Variants in NKAIN2 observed in about 807,000 individuals in gnomAD.
The protein encoded by NKAIN2 is sodium/potassium transporting ATPase interacting 2, also known as sodium/potassium-transporting ATPase subunit beta-1-interacting protein 2.
A neutral mutation model predicts 32.6 loss-of-function variants in NKAIN2; 14 were observed. The observed-to-expected ratio is 0.43, with a 90% confidence interval of 0.28 to 0.67. The LOEUF is 0.67. Among genes scored for constraint, NKAIN2 ranks in the 30% least tolerant of loss-of-function variants. The pLI, the probability that NKAIN2 is intolerant of heterozygous loss-of-function variation, is 0.17. For missense variants in NKAIN2, 198 were observed against 258.3 expected, an observed-to-expected ratio of 0.77 and a Z score of 1.60; for synonymous variants, 80 against 87.2, an observed-to-expected ratio of 0.92 and a Z score of 0.46.
At chr6:124,148,028 AG>A in intron 1 of NKAIN2, among the ~76,000 whole-genome samples, 1 of 152,246 alleles carries the variant, frequency 6.6e-6, no homozygotes, top group African/African-American at 2.4e-5. Flanking sequence ...TATTTGATAT[AG>A]GTATTCTATA....
At chr6:124,380,730 T>G (rs1224653634) in intron 3 of NKAIN2, among the ~76,000 whole-genome samples, 1 of 152,202 alleles carries the variant, frequency 6.6e-6, no homozygotes, top group Non-Finnish European at 1.5e-5. Context: ...TTTTTGATAT[T>G]GTATAATTAA....
At chr6:124,513,183 A>C (rs949600123) in intron 3 of NKAIN2, among the ~76,000 whole-genome samples, 1 of 152,176 alleles carries the variant, frequency 6.6e-6, no homozygotes, top group Non-Finnish European at 1.5e-5. Context: ...TAATGTGAAA[A>C]GTTTCTAATA....
intron 5 of NKAIN2, among the ~76,000 whole-genome samples, chr6:124,798,746 T>C (rs1780121486): frequency 6.6e-6 from 1 of 152,202 alleles, no homozygotes; most frequent in Non-Finnish European, 1.5e-5. Flanking sequence ...AGCACTTTAA[T>C]TTTATAGGCC....
chr6:124,341,304 TAGTG>T (rs1433225720), intron 2 of NKAIN2, among the ~76,000 whole-genome samples: 1 of 152,100 alleles, frequency 6.6e-6, no homozygotes, highest in Non-Finnish European at 1.5e-5. Flanking sequence ...ATAGAATACT[TAGTG>T]AGACTTTTTA....
At position 124,619,596 on chromosome 6, in the gene NKAIN2, A is replaced by T. The variant is rs187517668; in HGVS notation, c.274-38590A>T. On this transcript the variant is annotated intron_variant, in intron 3 of 6. Transcript: ENST00000368417. ...CATGTTTGTAAAGTCCTGCCCTTTT[A>T]CAGAGCCCAGTTCTCTGAAAAGCCA... 3.2e-3 allele frequency among the ~76,000 whole-genome samples: 485 copies of T among 152,290 alleles called. 1 individual carries two copies. The highest frequency in any genetic ancestry group is 5.4e-3 in the Non-Finnish European group (366 of 68,002).
intron 3 of NKAIN2, among the ~76,000 whole-genome samples, chr6:124,559,457 C>G (rs1465534578): frequency 6.6e-6 from 1 of 152,084 alleles, no homozygotes; most frequent in Non-Finnish European, 1.5e-5. Context: ...GATTCCTTAC[C>G]GTCTCAACTA....
At chr6:124,531,130 A>G (rs1488753966) in intron 3 of NKAIN2, among the ~76,000 whole-genome samples, 1 of 152,228 alleles carries the variant, frequency 6.6e-6, no homozygotes, top group Non-Finnish European at 1.5e-5. Context: ...CCTGTGACTC[A>G]GAAGAGGAAC....
intron 1 of NKAIN2, among the ~76,000 whole-genome samples, chr6:124,188,185 A>G (rs1474861962): frequency 6.6e-6 from 1 of 152,202 alleles, no homozygotes; most frequent in Non-Finnish European, 1.5e-5. Context: ...TTGGTCCAAT[A>G]GCATCATATC....
At chr6:124,283,269 G>T (rs1795388700) in intron 2 of NKAIN2, 127 bp downstream of exon 2, 1 of 622,918 alleles carries the variant, frequency 1.6e-6, no homozygotes, top group East Asian at 2.8e-5. Flanking sequence ...TAAGTACCAT[G>T]TGTTTATTTT....
chr6:124,604,886 G>T (rs1161493842), intron 3 of NKAIN2, among the ~76,000 whole-genome samples: 1 of 151,996 alleles, frequency 6.6e-6, no homozygotes. Flanking sequence ...TTGAGGGCAA[G>T]ATCTCTGCTG....
At chr6:123,948,707 C>A (rs1256800811) in intron 1 of NKAIN2, among the ~76,000 whole-genome samples, 1 of 140,720 alleles carries the variant, frequency 7.1e-6, no homozygotes, top group Non-Finnish European at 1.5e-5. Flanking sequence ...TCCCATTGAG[C>A]AGATTTTCTC....
At chr6:124,091,858 CTT>C (rs2114929260) in intron 1 of NKAIN2, among the ~76,000 whole-genome samples, 1 of 152,092 alleles carries the variant, frequency 6.6e-6, no homozygotes, top group South Asian at 2.1e-4. Flanking sequence ...TCCTCTGACT[CTT>C]TCCCGCATCA....
chr6:124,651,875 T>G (rs1218823763), intron 3 of NKAIN2, among the ~76,000 whole-genome samples: 1 of 152,160 alleles, frequency 6.6e-6, no homozygotes, highest in East Asian at 1.9e-4. Context: ...GCCATACTGA[T>G]CTCCTTATCA....
chr6:123,886,846 G>A (rs1463002853), intron 1 of NKAIN2, among the ~76,000 whole-genome samples: 1 of 151,984 alleles, frequency 6.6e-6, no homozygotes, highest in African/African-American at 2.4e-5. Context: ...GTTTAGACGC[G>A]TTTTTGGAGA....
chr6:124,560,479 A>G (rs1369131772), intron 3 of NKAIN2, among the ~76,000 whole-genome samples: 2 of 152,234 alleles, frequency 1.3e-5, no homozygotes, highest in Non-Finnish European at 2.9e-5. Context: ...TACAAGCATC[A>G]TAATTAAAAG....
chr6:124,207,235 T>A (rs897653413), intron 1 of NKAIN2, among the ~76,000 whole-genome samples: 2 of 151,380 alleles, frequency 1.3e-5, no homozygotes, highest in African/African-American at 2.4e-5. Flanking sequence ...GATGCTACAG[T>A]GAAACATGTT....
At chr6:124,674,392 A>T (rs1773258893) in intron 4 of NKAIN2, among the ~76,000 whole-genome samples, 1 of 151,898 alleles carries the variant, frequency 6.6e-6, no homozygotes, top group Non-Finnish European at 1.5e-5. Context: ...TATTTCTGCA[A>T]AAAAGAGCCA....
chr6:123,938,913 A>G (rs1457516775), intron 1 of NKAIN2, among the ~76,000 whole-genome samples: 1 of 151,868 alleles, frequency 6.6e-6, no homozygotes, highest in Non-Finnish European at 1.5e-5. Flanking sequence ...AGAATATTCA[A>G]AGAGCATGGT....
chr6:124,530,706 G>T (rs977645035), intron 3 of NKAIN2, among the ~76,000 whole-genome samples: 44 of 152,294 alleles, frequency 2.9e-4, no homozygotes, highest in African/African-American at 1.0e-3. Context: ...TTAGTTTGAA[G>T]GCCTGAAAAT....
Sources: gnomAD v4.1 joint callset for allele counts (sites outside exome capture counted in the v4.1 genomes callset) on GRCh38, gnomAD v4.1.1 for gene constraint, MANE v1.5 for transcripts, NCBI Gene and HGNC (gene_info 2026-07-23, HGNC 2026-07-21) for gene names.